The following THSD7B variants were observed in gnomAD, a reference collection of about 807,000 sequenced individuals.
THSD7B encodes thrombospondin type 1 domain containing 7B, also known as thrombospondin type-1 domain-containing protein 7B.
In THSD7B, 138 loss-of-function variants were observed where a neutral mutation model predicts 213.6. The observed-to-expected ratio is 0.65, with a 90% CI of 0.56 to 0.74. The LOEUF (loss-of-function observed/expected upper bound fraction) is 0.74. Among genes scored for constraint, THSD7B ranks in the 30% least tolerant of loss-of-function variants. THSD7B has a pLI of 0.00. For missense variants in THSD7B, 1,931 were observed against 1,991.5 expected (o/e 0.97, Z 0.58); for synonymous variants, 742 against 687.0 (o/e 1.08, Z -1.25).
intron 17 of THSD7B, among the ~76,000 whole-genome samples, chr2:137,615,017 C>T (rs1208556958): frequency 6.6e-6 from 1 of 152,094 alleles, no homozygotes; most frequent in African/African-American, 2.4e-5. Flanking sequence ...ACTTAAGAAT[C>T]TATGGGCCTC....
chr2:137,071,288 T>A (rs1411534614), intron 3 of THSD7B, among the ~76,000 whole-genome samples: 1 of 152,228 alleles, frequency 6.6e-6, no homozygotes, highest in Non-Finnish European at 1.5e-5. Context: ...TGGTTTTGAT[T>A]TGCATTTCTC....
intron 2 of THSD7B, among the ~76,000 whole-genome samples, chr2:136,898,466 C>G (rs1017166888): frequency 1.3e-5 from 2 of 151,962 alleles, no homozygotes; most frequent in South Asian, 2.1e-4. Flanking sequence ...GCCACAGCGC[C>G]CAGCCCCATA....
At chr2:137,104,758 A>G (rs936918315) in intron 4 of THSD7B, among the ~76,000 whole-genome samples, 7 of 152,082 alleles carry the variant, frequency 4.6e-5, no homozygotes, top group African/African-American at 1.7e-4. Flanking sequence ...TACAAACTAC[A>G]ACCAGAGAAT....
rs145092347 is a variant in THSD7B at position 137,193,833 on chromosome 2, G to C, written c.1723+22895G>C. Among the ~76,000 whole-genome samples, 5 of 151,410 alleles carry C rather than the reference G, an allele frequency of 3.3e-5. No individual in the cohort carries two copies. In the East Asian group the frequency reaches 7.8e-4, roughly 24 times the overall value. On this transcript the variant is annotated intron_variant, in intron 7 of 27. Coordinates refer to ENST00000409968, the MANE Select transcript of THSD7B (RefSeq NM_001316349.2). ...ATCTTGAAGCATTCACCTTCTCTTA[G>C]ACCTAGATGGCAAATCATAGACATA...
At chr2:136,942,924 G>A (rs560298931) in intron 2 of THSD7B, among the ~76,000 whole-genome samples, 2 of 152,308 alleles carry the variant, frequency 1.3e-5, no homozygotes, top group African/African-American at 2.4e-5. Flanking sequence ...TCCCTGTCTT[G>A]TGCCTGTTTT....
intron 2 of THSD7B, among the ~76,000 whole-genome samples, chr2:136,899,651 A>G (rs1485727303): frequency 6.6e-6 from 1 of 152,204 alleles, no homozygotes; most frequent in Non-Finnish European, 1.5e-5. Context: ...TGGGGTTCCT[A>G]AAATTGCTGG....
At chr2:137,208,718 A>C (rs1681038680) in intron 7 of THSD7B, among the ~76,000 whole-genome samples, 1 of 152,010 alleles carries the variant, frequency 6.6e-6, no homozygotes, top group Non-Finnish European at 1.5e-5. Flanking sequence ...TCAGAGGGGT[A>C]TGGAAAATTG....
In THSD7B at chr2:137,507,714, TTCTG is replaced by T. The variant is rs371329669; in HGVS notation, c.3139-55503_3139-55500del. ...TCTTCCTCTTTTTCTTTCTCCTTTT[TTCTG>T]TCTTCTTTCCTCTCTCTCTACTTCT... On this transcript the variant is annotated intron_variant, in intron 15 of 27. Transcript: ENST00000409968. 6.8e-4 allele frequency among the ~76,000 whole-genome samples: 103 copies of T among 152,316 alleles called. 2 individuals are homozygous for T. In the East Asian group the frequency reaches 0.018, roughly 26 times the overall value.
At chr2:137,425,176 G>A (rs189281775) in intron 14 of THSD7B, among the ~76,000 whole-genome samples, 1 of 151,626 alleles carries the variant, frequency 6.6e-6, no homozygotes, top group African/African-American at 2.4e-5. Context: ...TTACATTATA[G>A]TAGGTATTAA....
chr2:137,643,307 G>C (rs1372373415), intron 21 of THSD7B, among the ~76,000 whole-genome samples: 3 of 152,082 alleles, frequency 2.0e-5, no homozygotes, highest in Non-Finnish European at 4.4e-5. Flanking sequence ...TTTATCCTTA[G>C]TTCATGTTCC....
intron 2 of THSD7B, among the ~76,000 whole-genome samples, chr2:136,986,077 A>T (rs1356294866): frequency 1.3e-5 from 2 of 152,222 alleles, no homozygotes; most frequent in Non-Finnish European, 2.9e-5. Context: ...TATCTTGGGA[A>T]TAAATAACTT....
At chr2:137,493,122 C>CAAAAAAA (rs376770053) in intron 15 of THSD7B, among the ~76,000 whole-genome samples, 1 of 44,220 alleles carries the variant, frequency 2.3e-5, no homozygotes, top group African/African-American at 9.1e-5. Context: ...CTCTCTCTCT[C>CAAAAAAA]AAAAAAAAAA....
chr2:137,415,537 G>A (rs1482088617), intron 14 of THSD7B, among the ~76,000 whole-genome samples: 2 of 152,116 alleles, frequency 1.3e-5, no homozygotes, highest in Admixed American at 6.5e-5. Flanking sequence ...AAAAGTGCAT[G>A]GTGTCGTCTC....
At chr2:137,657,203 CT>C in intron 24 of THSD7B, 43 bp downstream of exon 24, 4 of 1,557,206 alleles carry the variant, frequency 2.6e-6, no homozygotes, top group Non-Finnish European at 3.5e-6. Flanking sequence ...ACAAACACCC[CT>C]GAGTGTTGTT....
intron 10 of THSD7B, among the ~76,000 whole-genome samples, chr2:137,245,090 G>A (rs1003781104): frequency 1.3e-5 from 2 of 152,106 alleles, no homozygotes; most frequent in African/African-American, 4.8e-5. Flanking sequence ...TTCTGATGGA[G>A]CCCATAGATC....
chr2:137,290,799 A>T (rs1212119081), intron 12 of THSD7B, among the ~76,000 whole-genome samples: 1 of 152,108 alleles, frequency 6.6e-6, no homozygotes, highest in Non-Finnish European at 1.5e-5. Flanking sequence ...CCACTGATCC[A>T]TTAACAGAGA....
At chr2:137,392,482 C>G (rs1169432265) in intron 12 of THSD7B, among the ~76,000 whole-genome samples, 1 of 151,894 alleles carries the variant, frequency 6.6e-6, no homozygotes, top group Non-Finnish European at 1.5e-5. Context: ...CTGAACTGAT[C>G]CTTTTATCAT....
At chr2:137,107,283 A>G (rs972816978) in intron 4 of THSD7B, among the ~76,000 whole-genome samples, 9 of 152,218 alleles carry the variant, frequency 5.9e-5, no homozygotes, top group African/African-American at 2.2e-4. Flanking sequence ...AAACTAACAC[A>G]GGAACAGAAA....
intron 21 of THSD7B, among the ~76,000 whole-genome samples, chr2:137,651,157 C>G (rs115475832): frequency 0.016 from 2,444 of 151,924 alleles, 61 homozygotes; most frequent in African/African-American, 0.055. Flanking sequence ...GGTATTAGTT[C>G]TATGTTAAAT....
Sources: allele counts gnomAD v4.1 joint callset (sites outside exome capture counted in the v4.1 genomes callset), GRCh38; gene constraint gnomAD v4.1.1; transcripts MANE v1.5; gene names NCBI Gene and HGNC (gene_info 2026-07-23, HGNC 2026-07-21).